Variants in GAPVD1 observed in about 807,000 individuals in gnomAD.
GAPVD1 encodes GTPase activating protein and VPS9 domains 1.
A neutral mutation model predicts 155.5 loss-of-function variants in GAPVD1; 35 were observed. The observed-to-expected ratio is 0.23, with a 90% CI of 0.17 to 0.30. The LOEUF is 0.30. GAPVD1 is among the 10% of genes least tolerant of loss of function. GAPVD1 has a pLI of 1.00. For missense variants in GAPVD1, 1,429 were observed against 1,775.7 expected, an observed-to-expected ratio of 0.80 and a Z score of 3.51; for synonymous variants, 636 against 619.7, an observed-to-expected ratio of 1.03 and a Z score of -0.39.
At chr9:125,310,211 C>G (rs1030397581) in intron 8 of GAPVD1, among the ~76,000 whole-genome samples, 7 of 152,014 alleles carry the variant, frequency 4.6e-5, no homozygotes, top group African/African-American at 1.7e-4. Flanking sequence ...ATTTGCAATT[C>G]AGTAAAAGAT....
At chr9:125,345,754 G>A (rs1848433056) in intron 19 of GAPVD1, 1 of 152,094 alleles carries the variant, frequency 6.6e-6, no homozygotes, top group Non-Finnish European at 1.5e-5. Context: ...TCTCTGTAAG[G>A]TACTTAGCAC....
At chr9:125,351,023 C>T (rs113563022) in intron 23 of GAPVD1, 151 bp downstream of exon 23, 75 of 646,456 alleles carry the variant, frequency 1.2e-4, no homozygotes, top group African/African-American at 7.7e-4. Context: ...TCTGTTCTCA[C>T]GCTGCTGATA....
intron 4 of GAPVD1, among the ~76,000 whole-genome samples, chr9:125,300,213 G>T (rs1187816335): frequency 1.4e-5 from 2 of 141,826 alleles, no homozygotes; most frequent in African/African-American, 5.1e-5. Flanking sequence ...TTGGAGTCTC[G>T]CTCTGTCCCC....
In GAPVD1 at chr9:125,307,468, C is replaced by T; in HGVS notation, c.1172C>T (p.Pro391Leu). The T allele has an allele frequency of 6.2e-7, 1 of 1,610,756 alleles. No homozygotes were observed. Among genetic ancestry groups the T allele is most frequent in the Admixed American group, 1.7e-5 (1 of 59,978 alleles). ...VVIGGRAVET[P>L]PLSSVNLLEG... ...ATTGGGGGCCGTGCAGTGGAGACCC[C>T]TCCATTGTCTTCCGTCAATCTTCTG... is the stretch of plus-strand genomic sequence containing the variant. The change falls in exon 7 of 28, where the codon CCT becomes CTT. Residue 391 changes from proline to leucine, a missense_variant. By Grantham distance (98) the Pro-to-Leu change is moderately conservative. Coordinates refer to ENST00000297933, the MANE Select transcript of GAPVD1 (RefSeq NM_001282680.3).
In GAPVD1 at chr9:125,263,936, T is replaced by G. The variant is rs756486417; in HGVS notation, c.-199+1977T>G. The G allele has an allele frequency of 2.5e-4, 364 of 1,436,178 alleles. 1 individual carries two copies. Among genetic ancestry groups the G allele is most frequent in the Non-Finnish European group, 3.5e-4 (354 of 1,021,890 alleles). 89.0% of individuals were successfully genotyped at this position (1,436,178 alleles called of 1,614,324 possible). A position where few individuals can be genotyped will look rare whatever the true frequency, so the allele number is the denominator to read the frequency against. ...TCTCCAGGCAAACTGTTCCTTCATGTAGCCTTGAGACTTGAGAGACTGCAT... is the reference window on the plus strand; with the variant it reads ...TCTCCAGGCAAACTGTTCCTTCATGGAGCCTTGAGACTTGAGAGACTGCAT... On this transcript the variant is annotated intron_variant, in intron 1 of 27. Transcript: ENST00000297933.
intron 17 of GAPVD1, 136 bp from the exon 18 acceptor site, chr9:125,341,041 T>C (rs973243423): frequency 6.1e-6 from 4 of 651,864 alleles, no homozygotes; most frequent in East Asian, 2.9e-5. Flanking sequence ...GCTGTGATTG[T>C]GCTACTGCAC....
chr9:125,321,031 T>A (rs1588928538), intron 9 of GAPVD1, among the ~76,000 whole-genome samples: 1 of 152,260 alleles, frequency 6.6e-6, no homozygotes, highest in Non-Finnish European at 1.5e-5. Flanking sequence ...GCATACATAC[T>A]GTTACTGTCA....
At chr9:125,289,384 C>T (rs1838237984) in intron 2 of GAPVD1, among the ~76,000 whole-genome samples, 1 of 152,066 alleles carries the variant, frequency 6.6e-6, no homozygotes, top group African/African-American at 2.4e-5. Context: ...TTGCAGTAAT[C>T]CAGGTGAGAT....
intron 8 of GAPVD1, among the ~76,000 whole-genome samples, chr9:125,310,404 G>A (rs1842483127): frequency 6.6e-6 from 1 of 151,972 alleles, no homozygotes; most frequent in Non-Finnish European, 1.5e-5. Flanking sequence ...GTTGACTTTT[G>A]CTGCTACTAT....
intron 11 of GAPVD1, among the ~76,000 whole-genome samples, chr9:125,324,135 A>C (rs889045337): frequency 6.6e-6 from 1 of 152,200 alleles, no homozygotes; most frequent in South Asian, 2.1e-4. Flanking sequence ...ATTACTTGAA[A>C]TTCAGTAATA....
At chr9:125,360,035 A>G (rs1850685878) in intron 26 of GAPVD1, among the ~76,000 whole-genome samples, 2 of 152,196 alleles carry the variant, frequency 1.3e-5, no homozygotes. Context: ...ATTTTAAATT[A>G]TCTTTAGTTT....
chr9:125,345,121 T>C (rs889963062), intron 19 of GAPVD1, among the ~76,000 whole-genome samples: 3 of 151,916 alleles, frequency 2.0e-5, no homozygotes, highest in Non-Finnish European at 4.4e-5. Context: ...GCCTTCCCTA[T>C]ATGCTTGTTT....
intron 20 of GAPVD1, among the ~76,000 whole-genome samples, chr9:125,348,971 C>T (rs930471956): frequency 6.6e-6 from 1 of 152,264 alleles, no homozygotes; most frequent in African/African-American, 2.4e-5. Flanking sequence ...TGGCCATTGG[C>T]CAACCAAGAA....
intron 23 of GAPVD1, among the ~76,000 whole-genome samples, chr9:125,352,315 C>A (rs943509521): frequency 5.3e-5 from 8 of 152,202 alleles, no homozygotes; most frequent in Non-Finnish European, 1.0e-4. Context: ...GGACCCTGCC[C>A]CTGCGGCAAA....
rs1237016659 is a variant in GAPVD1 at position 125,307,894 on chromosome 9, C to T, written c.1441+14C>T. The T allele has an allele frequency of 6.5e-7, 1 of 1,530,208 alleles. No individual in the cohort carries two copies. The highest frequency in any genetic ancestry group is 9.1e-7 in the Non-Finnish European group (1 of 1,103,380). 94.8% of individuals were successfully genotyped at this position (1,530,208 alleles called of 1,614,324 possible). A position where few individuals can be genotyped will look rare whatever the true frequency, so the allele number is the denominator to read the frequency against. ...GATTACCTATAGGTAAAGAGAATTT[C>T]TCGTATTGGAGCTTTCTCTTAAATC... On this transcript the variant is annotated intron_variant, in intron 8 of 27. Coordinates refer to ENST00000297933, the MANE Select transcript of GAPVD1 (RefSeq NM_001282680.3).
chr9:125,302,859 T>G, intron 5 of GAPVD1, 33 bp downstream of exon 5: 1 of 1,549,494 alleles, frequency 6.5e-7, no homozygotes. Context: ...AACGTGGCAT[T>G]TAGTTTAAAA....
chr9:125,310,843 CTTTT>C (rs879486917), intron 8 of GAPVD1, among the ~76,000 whole-genome samples: 2 of 119,040 alleles, frequency 1.7e-5, no homozygotes, highest in Admixed American at 8.4e-5. Flanking sequence ...CAGCCTTCTT[CTTTT>C]TTTTTTTTTT....
intron 23 of GAPVD1, among the ~76,000 whole-genome samples, chr9:125,353,736 A>G (rs959970025): frequency 6.6e-6 from 1 of 152,226 alleles, no homozygotes; most frequent in African/African-American, 2.4e-5. Flanking sequence ...TTTTAAAACA[A>G]TCAGATCTCT....
At chr9:125,348,447 A>T (rs578243984) in intron 20 of GAPVD1, among the ~76,000 whole-genome samples, 38 of 152,216 alleles carry the variant, frequency 2.5e-4, no homozygotes, top group African/African-American at 9.1e-4. Flanking sequence ...TTCCTGCCTC[A>T]TGCCTGTCCA....
Sources: gnomAD v4.1 joint callset for allele counts (sites outside exome capture counted in the v4.1 genomes callset) on GRCh38, gnomAD v4.1.1 for gene constraint, MANE v1.5 for transcripts, NCBI Gene and HGNC (gene_info 2026-07-23, HGNC 2026-07-21) for gene names.